Variants in ZNF385A observed in about 807,000 individuals in gnomAD.
ZNF385A encodes the protein zinc finger protein 385A, also known as hematopoietic zinc finger protein.
Under a neutral mutation model 32.1 loss-of-function variants are expected in ZNF385A, and 14 were observed. That is an observed-to-expected ratio of 0.44 (90% confidence interval 0.29 to 0.68). The LOEUF (loss-of-function observed/expected upper bound fraction) is 0.68, where lower values mean the gene tolerates loss of function less well. ZNF385A is among the 30% of genes least tolerant of loss of function. The probability of loss-of-function intolerance (pLI) is 0.14; values close to 1 mark genes in which losing one functional copy is unlikely to be tolerated. For synonymous variants in ZNF385A, 197 were observed against 202.7 expected (o/e 0.97, Z 0.24); for missense variants, 406 against 478.4 (o/e 0.85, Z 1.41).
rs759681419 is a variant in ZNF385A, at chr12:54,370,146, G to A, written c.*110C>T. On this transcript the variant is annotated 3_prime_UTR_variant, in exon 7 of 7. Transcript: ENST00000394313. The surrounding 1 kb of genome is among the most constrained non-coding windows in gnomAD (Gnocchi z 5.5). ...ACCCCGTATCTCGGGGTGGGGGGGG[G>A]GAAGGAGAGATCATTTAGGGAGTGC... 1.2e-6 allele frequency: 1 copy of A among 833,862 alleles called. No homozygotes were observed. The highest frequency in any genetic ancestry group is 1.7e-6 in the Non-Finnish European group (1 of 586,860). The allele number at this position is 833,862 out of a possible 1,614,324, so 51.7% of individuals were successfully genotyped here.
At chr12:54,373,910 A>T (rs994183122) in intron 3 of ZNF385A, 63 bp downstream of exon 3, 4 of 1,408,198 alleles carry the variant, frequency 2.8e-6, no homozygotes, top group Admixed American at 2.4e-5. Flanking sequence ...ACAGTTCTGG[A>T]AAAGGGGGAG....
At chr12:54,381,303 A>G (rs1424396009) in intron 1 of ZNF385A, 1 of 152,196 alleles carries the variant, frequency 6.6e-6, no homozygotes, top group Non-Finnish European at 1.5e-5. Flanking sequence ...CTTGCCTAAG[A>G]TCACACAGCC....
In ZNF385A at chr12:54,369,978, G is replaced by GGT. The variant is rs1331809298; in HGVS notation, c.*276_*277dup. On this transcript the variant is annotated 3_prime_UTR_variant, in exon 7 of 7. Transcript: ENST00000394313. ...GATGGACATGGCTTTTGGGAGGGGG[G>GGT]GTGTCTCCAAGGGGGCTCGGGGGTG... is the stretch of plus-strand genomic sequence containing the variant. 1.7e-5 allele frequency: 6 copies of GGT among 362,550 alleles called. No homozygotes were observed. Among genetic ancestry groups the GGT allele is most frequent in the East Asian group, 1.6e-4 (4 of 24,598 alleles). 22.5% of individuals were successfully genotyped at this position (362,550 alleles called of 1,614,324 possible).
chr12:54,376,605 G>A (rs1425613020), intron 1 of ZNF385A, among the ~76,000 whole-genome samples: 4 of 152,190 alleles, frequency 2.6e-5, no homozygotes, highest in Non-Finnish European at 5.9e-5. Context: ...CTAAGCAGCT[G>A]GGCTGGCCCG....
At chr12:54,390,010 G>C (rs1955593575) in intron 1 of ZNF385A, among the ~76,000 whole-genome samples, 1 of 152,144 alleles carries the variant, frequency 6.6e-6, no homozygotes, top group Admixed American at 6.5e-5. Flanking sequence ...ACAATAGGTA[G>C]TCAACAGGGA....
At chr12:54,380,774 A>G (rs1204489010) in intron 1 of ZNF385A, among the ~76,000 whole-genome samples, 1 of 152,226 alleles carries the variant, frequency 6.6e-6, no homozygotes, top group East Asian at 1.9e-4. Flanking sequence ...ATAGCAGCTA[A>G]CACTGATTGA....
chr12:54,370,498 G>A lies in ZNF385A; in HGVS notation c.871-12C>T. 6.4e-7 allele frequency: 1 copy of A among 1,551,116 alleles called. No homozygotes were observed. The highest frequency in any genetic ancestry group is 8.7e-7 in the Non-Finnish European group (1 of 1,146,822). On this transcript the variant is annotated splice_polypyrimidine_tract_variant and intron_variant, in intron 6 of 6. Coordinates refer to ENST00000394313, the MANE Select transcript of ZNF385A (RefSeq NM_015481.3). The surrounding 1 kb of genome is among the most constrained non-coding windows in gnomAD (Gnocchi z 5.5). ...AAAGTCAGCGTGCCCTGAAGCGGGC[G>A]AAAGGCGGAGGAAGAGAAGTCACCC... is the stretch of plus-strand genomic sequence containing the variant.
Position 54,371,017 on chromosome 12 carries a change from G to C in ZNF385A, c.684C>G (p.Thr228=), listed in dbSNP as rs1397445165. The part of the protein sequence containing the change: ...IKAYPRLGPP[T]PGEPEAPAQD... ...GGGCAGGAGCCTCTGGTTCCCCCGG[G>C]GTGGGAGGCCCCAGCCGAGGGTAAG... The change falls in exon 5 of 7, where the codon ACC becomes ACG. Residue 228 remains threonine (T), a synonymous_variant. Transcript: ENST00000394313. The C allele has an allele frequency of 1.2e-5, 19 of 1,614,210 alleles. No homozygotes were observed. The highest frequency in any genetic ancestry group is 1.4e-5 in the Non-Finnish European group (17 of 1,180,026).
upstream of ZNF385A, among the ~76,000 whole-genome samples, chr12:54,387,505 G>T (rs1361992335): frequency 6.6e-6 from 1 of 152,188 alleles, no homozygotes; most frequent in Non-Finnish European, 1.5e-5. Context: ...CTTTTTCTGA[G>T]GCTAACAATA....
chr12:54,378,376 G>A (rs750701803), intron 1 of ZNF385A, among the ~76,000 whole-genome samples: 1 of 152,116 alleles, frequency 6.6e-6, no homozygotes, highest in East Asian at 1.9e-4. Flanking sequence ...GCTTGGACAC[G>A]GCCTCGAAAG....
At chr12:54,371,139 T>G in intron 4 of ZNF385A, 43 bp from the exon 5 acceptor site, 2 of 1,541,812 alleles carry the variant, frequency 1.3e-6, no homozygotes, top group Non-Finnish European at 1.7e-6. Context: ...GGAAGAAAAA[T>G]TATCCAGGCC....
chr12:54,387,989 G>A (rs547698557), upstream of ZNF385A, among the ~76,000 whole-genome samples: 59 of 151,814 alleles, frequency 3.9e-4, no homozygotes, highest in Non-Finnish European at 7.4e-4. Flanking sequence ...TTCTAGCTAG[G>A]TAAAATCTCC....
chr12:54,385,456 A>C (rs1239947957), upstream of ZNF385A, among the ~76,000 whole-genome samples: 4 of 152,146 alleles, frequency 2.6e-5, no homozygotes, highest in Non-Finnish European at 5.9e-5. Context: ...CTGGGCTTCC[A>C]CTGGCCCAGC....
At position 54,371,697 on chromosome 12, in the gene ZNF385A, A is replaced by T; in HGVS notation, c.380T>A (p.Leu127Gln). 1 of 1,611,338 alleles carries T rather than the reference A, an allele frequency of 6.2e-7. No individual in the cohort carries two copies. The highest frequency in any genetic ancestry group is 8.5e-7 in the Non-Finnish European group (1 of 1,179,116). The change falls in exon 4 of 7, where the codon CTG becomes CAG. Residue 127 changes from leucine to glutamine, a missense_variant. Coordinates refer to ENST00000394313, the MANE Select transcript of ZNF385A (RefSeq NM_015481.3). ...CTCTGGGGATCCTGGGGCTGGCCCC[A>T]GTCCATTCTCCATGGAAACTGTTGT... ...APRPVSMENG[L>Q]GPAPGSPEKQ... is the part of the protein sequence containing the mutation.
chr12:54,374,933 C>T (rs1954763428), intron 2 of ZNF385A, among the ~76,000 whole-genome samples: 1 of 152,052 alleles, frequency 6.6e-6, no homozygotes, highest in South Asian at 2.1e-4. Context: ...CCATGTATAC[C>T]CCTGCTAAGA....
chr12:54,371,763 G>A, intron 3 of ZNF385A, 48 bp from the exon 4 acceptor site: 1 of 1,603,708 alleles, frequency 6.2e-7, no homozygotes, highest in Non-Finnish European at 8.5e-7. Flanking sequence ...GGCTCTTGGA[G>A]AAGACTCTTC....
chr12:54,374,119 T>C lies in ZNF385A; in HGVS notation c.215A>G (p.His72Arg). 6.4e-7 allele frequency: 1 copy of C among 1,552,246 alleles called. No homozygotes were observed. Among genetic ancestry groups the C allele is most frequent in the Non-Finnish European group, 8.8e-7 (1 of 1,142,816 alleles). ...TCGGGCGTGGCGATTACCTTTGTAG[T>C]GCGCCTCAGCCTGGCTCTTTAGGGA... ...RFNSQSQAEAHYKGNRHARRV... is the reference protein window; with the variant it reads ...RFNSQSQAEARYKGNRHARRV... Residue 72 changes from histidine (H) to arginine (R), a missense_variant, in exon 3 of 7, where the codon CAC (histidine) becomes CGC (arginine). His to Arg is a conservative substitution (Grantham distance 29). Transcript: ENST00000394313.
rs1317942277 is a variant in ZNF385A, at chr12:54,371,601, C to T, written c.476G>A (p.Gly159Glu). 1.2e-6 allele frequency: 2 copies of T among 1,613,288 alleles called. No individual in the cohort carries two copies. Among genetic ancestry groups the T allele is most frequent in the South Asian group, 1.1e-5 (1 of 91,050 alleles). ...TGQGVTKGEG[G>E]TPAPASLPGG... ...AGGCAAGGAAGCCGGGGCTGGAGTCCCCCCTTCACCCTTGGTTACACCCTG... is the reference window on the plus strand; with the variant it reads ...AGGCAAGGAAGCCGGGGCTGGAGTCTCCCCTTCACCCTTGGTTACACCCTG... Residue 159 changes from glycine to glutamate, a missense_variant, in exon 4 of 7, where the codon GGG becomes GAG. By Grantham distance (98) the Gly-to-Glu change is moderately conservative. Transcript: ENST00000394313.
intron 1 of ZNF385A, among the ~76,000 whole-genome samples, chr12:54,383,836 G>A (rs1274722126): frequency 6.6e-6 from 1 of 152,220 alleles, no homozygotes; most frequent in African/African-American, 2.4e-5. Flanking sequence ...GGAGGCTGCA[G>A]TGACCCAAGA....
Sources: allele counts gnomAD v4.1 joint callset (sites outside exome capture counted in the v4.1 genomes callset), GRCh38; gene constraint gnomAD v4.1.1; non-coding constraint Gnocchi (gnomAD v3.1); transcripts MANE v1.5; gene names NCBI Gene and HGNC (gene_info 2026-07-23, HGNC 2026-07-21).